INPP5F: variants seen among roughly 807,000 people sequenced by gnomAD.
The protein encoded by INPP5F is inositol polyphosphate-5-phosphatase F.
Under a neutral mutation model 137.2 loss-of-function variants are expected in INPP5F, and 97 were observed. The observed-to-expected ratio is 0.71, with a 90% confidence interval of 0.60 to 0.84. The LOEUF (loss-of-function observed/expected upper bound fraction) is 0.84. INPP5F is among the 40% of genes least tolerant of loss of function. The probability of loss-of-function intolerance (pLI) is 0.00; values close to 1 mark genes in which losing one functional copy is unlikely to be tolerated. For missense variants in INPP5F, 1,271 were observed against 1,371.9 expected, an observed-to-expected ratio of 0.93 and a Z score of 1.16; for synonymous variants, 504 against 476.9, an observed-to-expected ratio of 1.06 and a Z score of -0.74.
At chr10:119,820,076 G>C (rs926739086) in intron 15 of INPP5F, among the ~76,000 whole-genome samples, 1 of 152,146 alleles carries the variant, frequency 6.6e-6, no homozygotes, top group Non-Finnish European at 1.5e-5. Flanking sequence ...ATTAATATTA[G>C]ACTAAAAGTT....
At chr10:119,795,106 G>T (rs1285274953) in intron 6 of INPP5F, among the ~76,000 whole-genome samples, 11 of 134,814 alleles carry the variant, frequency 8.2e-5, no homozygotes, top group East Asian at 2.3e-4. Flanking sequence ...CCTCCCGGAC[G>T]GGGCGGCTGG....
chr10:119,812,327 G>C (rs1183500970), intron 15 of INPP5F, among the ~76,000 whole-genome samples: 1 of 151,536 alleles, frequency 6.6e-6, no homozygotes, highest in Non-Finnish European at 1.5e-5. Context: ...TATTTTTATT[G>C]GTTATAAAGT....
At chr10:119,754,409 T>G (rs1206123430) in intron 2 of INPP5F, among the ~76,000 whole-genome samples, 3 of 152,158 alleles carry the variant, frequency 2.0e-5, no homozygotes, top group African/African-American at 7.2e-5. Flanking sequence ...TTATATGTAC[T>G]TCTCCTCCTT....
Position 119,828,283 on chromosome 10 carries a change from TC to T in INPP5F, c.*506del, listed in dbSNP as rs1399979821. 2 of 153,468 alleles carry T rather than the reference TC, an allele frequency of 1.3e-5. No homozygotes were observed. Among genetic ancestry groups the T allele is most frequent in the African/African-American group, 2.4e-5 (1 of 41,454 alleles). 9.5% of individuals were successfully genotyped at this position (153,468 alleles called of 1,614,324 possible). A position where few individuals can be genotyped will look rare whatever the true frequency, so the allele number is the denominator to read the frequency against. On this transcript the variant is annotated 3_prime_UTR_variant, in exon 20 of 20. Transcript: ENST00000650623. ...ATTTTAGTTTTGATGGCTTAACTGT[TC>T]CCTGAGGAGTTGAGGGTTATTGACA...
intron 1 of INPP5F, among the ~76,000 whole-genome samples, chr10:119,742,616 A>T (rs1200510343): frequency 6.6e-6 from 1 of 152,208 alleles, no homozygotes; most frequent in Non-Finnish European, 1.5e-5. Context: ...ACCTGGGATG[A>T]TGGTGGTGAG....
intron 6 of INPP5F, among the ~76,000 whole-genome samples, chr10:119,795,079 AC>A (rs1289397346): frequency 6.1e-5 from 4 of 65,748 alleles, no homozygotes; most frequent in African/African-American, 6.1e-5. Context: ...CGGGGGGCTG[AC>A]CCCCCCACCT....
At chr10:119,802,999 T>A (rs1033385955) in intron 9 of INPP5F, among the ~76,000 whole-genome samples, 2 of 152,216 alleles carry the variant, frequency 1.3e-5, no homozygotes, top group Non-Finnish European at 2.9e-5. Context: ...TAGTCTCATG[T>A]TTATTAGCTA....
chr10:119,791,543 T>G lies in INPP5F; in HGVS notation c.342T>G (p.Ile114Met). 1.2e-6 allele frequency: 2 copies of G among 1,602,638 alleles called. No homozygotes were observed. Residue 114 changes from isoleucine to methionine, a missense_variant, in exon 4 of 20, where the codon ATT (isoleucine) becomes ATG (methionine). Coordinates refer to ENST00000650623, the MANE Select transcript of INPP5F (RefSeq NM_014937.4). ...LELCKKHHFGINKPEKIIPSP... is the reference protein window; with the variant it reads ...LELCKKHHFGMNKPEKIIPSP... The stretch of plus-strand genomic sequence containing the variant: ...TCTGTAAGAAGCATCATTTTGGTAT[T>G]AACAAACCAGAGAAGATCATACCAT...
At chr10:119,730,938 C>G (rs575601736) in intron 1 of INPP5F, among the ~76,000 whole-genome samples, 1 of 152,216 alleles carries the variant, frequency 6.6e-6, no homozygotes, top group African/African-American at 2.4e-5. Context: ...CAGGCACGCG[C>G]CACCACGCCC....
intron 2 of INPP5F, among the ~76,000 whole-genome samples, chr10:119,766,066 A>G (rs113288760): frequency 0.014 from 2,089 of 152,098 alleles, 60 homozygotes; most frequent in African/African-American, 0.048. Context: ...ACTGAGAATC[A>G]GGGGAGTCAG....
chr10:119,780,802 T>G (rs535612539), intron 2 of INPP5F, among the ~76,000 whole-genome samples: 1 of 152,304 alleles, frequency 6.6e-6, no homozygotes, highest in East Asian at 1.9e-4. Flanking sequence ...GCATTTAGAT[T>G]ATATCAGGTA....
At chr10:119,738,656 CA>C in intron 1 of INPP5F, among the ~76,000 whole-genome samples, 1 of 46,736 alleles carries the variant, frequency 2.1e-5, no homozygotes, top group Non-Finnish European at 4.8e-5. Context: ...AATACACACA[CA>C]CACACACACA....
chr10:119,737,721 A>G (rs758417107), intron 1 of INPP5F, among the ~76,000 whole-genome samples: 5 of 152,198 alleles, frequency 3.3e-5, no homozygotes, highest in Non-Finnish European at 2.9e-5. Flanking sequence ...TCCTTACCCA[A>G]TTCTGAGAAT....
In INPP5F at chr10:119,820,718, G is replaced by C. The variant is rs1182968989; in HGVS notation, c.1887-128G>C. ...ACATCTAACTGCAGTAGAACTCATTGATTACCTTCTTCTTTTCCCTCCCCC... is the reference window on the plus strand; with the variant it reads ...ACATCTAACTGCAGTAGAACTCATTCATTACCTTCTTCTTTTCCCTCCCCC... On this transcript the variant is annotated intron_variant, in intron 15 of 19. Transcript: ENST00000650623. The C allele has an allele frequency of 8.8e-6, 6 of 680,126 alleles. No homozygotes were observed. In the African/African-American group the frequency reaches 8.9e-5, roughly 10 times the overall value. The allele number at this position is 680,126 out of a possible 1,614,324, so 42.1% of individuals were successfully genotyped here.
Position 119,828,865 on chromosome 10 carries a change from A to G in INPP5F, c.*1085A>G, listed in dbSNP as rs907560861. 1 of 152,506 alleles carries G rather than the reference A, an allele frequency of 6.6e-6. No homozygotes were observed. The highest frequency in any genetic ancestry group is 1.5e-5 in the Non-Finnish European group (1 of 68,048). The allele number at this position is 152,506 out of a possible 1,614,324, so 9.4% of individuals were successfully genotyped here. ...GTGTCTCAAAAACAATTTAGTCTGA[A>G]ACACAATTGTGCTGAATCTGTCTGA... On this transcript the variant is annotated 3_prime_UTR_variant, in exon 20 of 20. Transcript: ENST00000650623.
chr10:119,766,680 C>T (rs1332833816), intron 2 of INPP5F, among the ~76,000 whole-genome samples: 1 of 152,016 alleles, frequency 6.6e-6, no homozygotes, highest in Non-Finnish European at 1.5e-5. Flanking sequence ...ACAATGGAAG[C>T]CAGAAGACAA....
chr10:119,796,592 G>A (rs1850393678), intron 6 of INPP5F, 123 bp from the exon 7 acceptor site: 1 of 820,222 alleles, frequency 1.2e-6, no homozygotes, highest in Non-Finnish European at 2.1e-6. Flanking sequence ...AGAAAATATG[G>A]TTGAATAATG....
At chr10:119,735,258 A>G (rs1412665383) in intron 1 of INPP5F, among the ~76,000 whole-genome samples, 6 of 152,116 alleles carry the variant, frequency 3.9e-5, no homozygotes, top group Admixed American at 3.9e-4. Context: ...GTGTTCCCTG[A>G]TATTTTTTTC....
intron 12 of INPP5F, among the ~76,000 whole-genome samples, chr10:119,806,830 T>G (rs1299226874): frequency 6.6e-6 from 1 of 151,242 alleles, no homozygotes; most frequent in Non-Finnish European, 1.5e-5. Flanking sequence ...TTTTTTGAGA[T>G]GCAGTCTTGC....
Sources: gnomAD v4.1 joint callset for allele counts (sites outside exome capture counted in the v4.1 genomes callset) on GRCh38, gnomAD v4.1.1 for gene constraint, MANE v1.5 for transcripts, NCBI Gene and HGNC (gene_info 2026-07-23, HGNC 2026-07-21) for gene names.